Variants in CUL3 observed in about 807,000 individuals in gnomAD.
The protein encoded by CUL3 is cullin-3.
In CUL3, 19 loss-of-function variants were observed where a neutral mutation model predicts 89.1. The ratio of observed to expected loss-of-function variants is 0.21; its 90% confidence interval spans 0.15 to 0.31. The LOEUF (loss-of-function observed/expected upper bound fraction) is 0.31. CUL3 is among the 10% of genes least tolerant of loss of function. The pLI is 1.00. For missense variants in CUL3, 469 were observed against 942.3 expected, an observed-to-expected ratio of 0.50 and a Z score of 6.58; for synonymous variants, 351 against 308.4, an observed-to-expected ratio of 1.14 and a Z score of -1.45.
rs763450936 is a variant in CUL3 at position 224,557,652 on chromosome 2, T to A, written c.264+7A>T. On this transcript the variant is annotated splice_region_variant and intron_variant, in intron 2 of 15. Coordinates refer to ENST00000264414, the MANE Select transcript of CUL3 (RefSeq NM_003590.5). ...AGTATTAGCAACAGTCCTTTAAAGT[T>A]TGATACCTTATTTATGAGATGTTCG... 1.9e-6 allele frequency: 3 copies of A among 1,590,980 alleles called. No individual in the cohort carries two copies. The South Asian group carries it at 3.3e-5, about 18-fold the overall frequency.
intron 1 of CUL3, among the ~76,000 whole-genome samples, chr2:224,560,937 A>T (rs1694881814): frequency 6.6e-6 from 1 of 152,114 alleles, no homozygotes; most frequent in Non-Finnish European, 1.5e-5. Context: ...CATACATCAA[A>T]CAAGCTGATT....
Position 224,568,016 on chromosome 2 carries a change from C to T in CUL3, c.67-10160G>A, listed in dbSNP as rs570919759. Among the ~76,000 whole-genome samples the T allele has an allele frequency of 2.9e-4, 44 of 152,272 alleles. 1 individual carries two copies. Among genetic ancestry groups the T allele is most frequent in the Admixed American group, 3.9e-4 (6 of 15,298 alleles). On this transcript the variant is annotated intron_variant, in intron 1 of 15. Coordinates refer to ENST00000264414, the MANE Select transcript of CUL3 (RefSeq NM_003590.5). Reference sequence around the variant, plus strand: ...TTTCTCACTCTATTTCCATCACTGTCACAGCCCCTCCCCACTTATTTCAGT... The same window carrying T: ...TTTCTCACTCTATTTCCATCACTGTTACAGCCCCTCCCCACTTATTTCAGT...
intron 2 of CUL3, among the ~76,000 whole-genome samples, chr2:224,544,426 ACTT>A (rs1405870249): frequency 6.6e-6 from 1 of 152,162 alleles, no homozygotes; most frequent in Non-Finnish European, 1.5e-5. Flanking sequence ...TAATGCCATA[ACTT>A]CTTCAATCAC....
At chr2:224,530,923 C>A (rs1693675020) in intron 3 of CUL3, among the ~76,000 whole-genome samples, 1 of 76,084 alleles carries the variant, frequency 1.3e-5, no homozygotes, top group Non-Finnish European at 3.3e-5. Flanking sequence ...CAAAACCAAA[C>A]AAACAAAAAA....
chr2:224,525,799 C>G (rs1172913286), intron 3 of CUL3, among the ~76,000 whole-genome samples: 1 of 152,220 alleles, frequency 6.6e-6, no homozygotes, highest in Non-Finnish European at 1.5e-5. Context: ...TTAATCTACT[C>G]TGTTTTCTTC....
At chr2:224,538,500 T>A (rs1693975069) in intron 2 of CUL3, among the ~76,000 whole-genome samples, 1 of 152,160 alleles carries the variant, frequency 6.6e-6, no homozygotes, top group South Asian at 2.1e-4. Context: ...AGGGATAACA[T>A]TGTTAATCTC....
intron 13 of CUL3, among the ~76,000 whole-genome samples, chr2:224,494,750 A>G (rs1389228979): frequency 6.6e-6 from 1 of 152,212 alleles, no homozygotes; most frequent in Non-Finnish European, 1.5e-5. Context: ...AAATTAACCT[A>G]AAATTCATCG....
chr2:224,557,650 G>A lies in CUL3; in HGVS notation c.264+9C>T, dbSNP rs200018000. On this transcript the variant is annotated intron_variant, in intron 2 of 15. Transcript: ENST00000264414. Reference sequence around the variant, plus strand: ...ATAGTATTAGCAACAGTCCTTTAAAGTTTGATACCTTATTTATGAGATGTT... The same window carrying A: ...ATAGTATTAGCAACAGTCCTTTAAAATTTGATACCTTATTTATGAGATGTT... The A allele has an allele frequency of 6.5e-4, 1,030 of 1,586,534 alleles. No homozygotes were observed. Among genetic ancestry groups the A allele is most frequent in the Non-Finnish European group, 8.2e-4 (951 of 1,157,492 alleles).
At chr2:224,482,549 T>A (rs1265754068) in intron 13 of CUL3, among the ~76,000 whole-genome samples, 1 of 150,926 alleles carries the variant, frequency 6.6e-6, no homozygotes, top group African/African-American at 2.4e-5. Flanking sequence ...AAATTTACCA[T>A]CCAGACTGAC....
At chr2:224,562,691 A>C (rs191217207) in intron 1 of CUL3, 1 of 152,298 alleles carries the variant, frequency 6.6e-6, no homozygotes, top group African/African-American at 2.4e-5. Flanking sequence ...GAGAGATTAA[A>C]TGACTTACCC....
chr2:224,524,780 G>A (rs1216040702), intron 3 of CUL3, among the ~76,000 whole-genome samples: 1 of 151,916 alleles, frequency 6.6e-6, no homozygotes, highest in African/African-American at 2.4e-5. Context: ...ATGCTTGCCC[G>A]TTTCCCCCAC....
intron 1 of CUL3, among the ~76,000 whole-genome samples, chr2:224,563,563 G>C (rs192790055): frequency 1.9e-4 from 29 of 152,018 alleles, no homozygotes; most frequent in African/African-American, 7.0e-4. Flanking sequence ...CACCTTCCTT[G>C]GTTTAAGTTA....
intron 13 of CUL3, among the ~76,000 whole-genome samples, chr2:224,482,858 A>G (rs1198333864): frequency 6.6e-6 from 1 of 152,188 alleles, no homozygotes; most frequent in Non-Finnish European, 1.5e-5. Flanking sequence ...AAGTCTTGAC[A>G]CTAGGATTTA....
chr2:224,584,473 G>A (rs966893030), intron 1 of CUL3, among the ~76,000 whole-genome samples: 2 of 152,142 alleles, frequency 1.3e-5, no homozygotes, highest in African/African-American at 4.8e-5. Flanking sequence ...CTGGGGAGGG[G>A]GGCAGAGAGA....
intron 13 of CUL3, among the ~76,000 whole-genome samples, chr2:224,490,622 AG>A (rs1390520936): frequency 6.6e-6 from 1 of 151,868 alleles, no homozygotes; most frequent in Admixed American, 6.6e-5. Context: ...TGGACCCTAC[AG>A]GGTGATGGGT....
intron 2 of CUL3, among the ~76,000 whole-genome samples, chr2:224,549,132 C>G (rs1271313996): frequency 6.6e-6 from 1 of 151,944 alleles, no homozygotes; most frequent in African/African-American, 2.4e-5. Flanking sequence ...GCATGGACAA[C>G]ATGGCAAAAC....
chr2:224,535,863 T>G (rs1195365387), intron 2 of CUL3, among the ~76,000 whole-genome samples: 1 of 152,334 alleles, frequency 6.6e-6, no homozygotes, highest in African/African-American at 2.4e-5. Flanking sequence ...AGAACATAAA[T>G]CAACTTCCTA....
In CUL3 at chr2:224,470,552, C is replaced by T. The variant is rs1395026791; in HGVS notation, c.*3693G>A. 1.3e-5 allele frequency: 3 copies of T among 231,626 alleles called. No individual in the cohort carries two copies. Among genetic ancestry groups the T allele is most frequent in the African/African-American group, 6.6e-5 (3 of 45,270 alleles). The allele number at this position is 231,626 out of a possible 1,614,324, so 14.3% of individuals were successfully genotyped here. ...TGGCTAATTTGACATAGGAAAGGCA[C>T]ACAAAGGAAAACATTTTGTAAAACT... On this transcript the variant is annotated 3_prime_UTR_variant, in exon 16 of 16. Transcript: ENST00000264414.
intron 2 of CUL3, among the ~76,000 whole-genome samples, chr2:224,536,767 A>C (rs1693914926): frequency 1.3e-5 from 2 of 152,226 alleles, no homozygotes; most frequent in Admixed American, 1.3e-4. Context: ...TCTCTGATAA[A>C]ATGTTATTGA....
Sources: gnomAD v4.1 joint callset for allele counts (sites outside exome capture counted in the v4.1 genomes callset) on GRCh38, gnomAD v4.1.1 for gene constraint, MANE v1.5 for transcripts, NCBI Gene and HGNC (gene_info 2026-07-23, HGNC 2026-07-21) for gene names.